The following CLCN7 variants were observed in gnomAD, a reference collection of about 807,000 sequenced individuals.
The protein encoded by CLCN7 is Cl-/H+ antiporter 7.
In CLCN7, 60 loss-of-function variants were observed where a neutral mutation model predicts 102.1. That is an observed-to-expected ratio of 0.59 (90% CI 0.48 to 0.73). CLCN7 has a LOEUF of 0.73. Ranked by LOEUF, CLCN7 falls within the 30% of genes least tolerant of loss-of-function variation. CLCN7 has a pLI of 0.00. For missense variants in CLCN7, 962 were observed against 1,125.7 expected (o/e 0.85, Z 2.08); for synonymous variants, 560 against 490.5 (o/e 1.14, Z -1.87).
At chr16:1,448,045 A>G (rs1156392002) in intron 21 of CLCN7, among the ~76,000 whole-genome samples, 1 of 152,188 alleles carries the variant, frequency 6.6e-6, no homozygotes, top group Admixed American at 6.5e-5. Context: ...TCCACGTCTA[A>G]AAGACACACA....
At chr16:1,471,149 A>C (rs1444347397) in intron 1 of CLCN7, among the ~76,000 whole-genome samples, 5 of 152,102 alleles carry the variant, frequency 3.3e-5, no homozygotes, top group Admixed American at 3.3e-4. Context: ...GCAGCTCTGA[A>C]GGGCCTGGGC....
chr16:1,449,147 G>T, intron 18 of CLCN7, 54 bp from the exon 19 acceptor site: 1 of 1,608,176 alleles, frequency 6.2e-7, no homozygotes, highest in Non-Finnish European at 8.5e-7. Flanking sequence ...TCAGGGTCAC[G>T]TGGCCACTGC....
At position 1,448,502 on chromosome 16, in the gene CLCN7, C is replaced by CCA; in HGVS notation, c.1884-20_1884-19dup. 1 of 1,607,044 alleles carries CCA rather than the reference C, an allele frequency of 6.2e-7. No homozygotes were observed. Among genetic ancestry groups the CCA allele is most frequent in the Non-Finnish European group, 8.5e-7 (1 of 1,179,894 alleles). Reference sequence around the variant, plus strand: ...TCACCTCCCTGCCGGAGGAGCCCGGCCACACATGCCCGTCACACGCCACCA... The same window carrying CCA: ...TCACCTCCCTGCCGGAGGAGCCCGGCCACACACATGCCCGTCACACGCCACCA... On this transcript the variant is annotated intron_variant, in intron 20 of 24. Transcript: ENST00000382745.
At chr16:1,459,222 G>A (rs1366483297) in intron 6 of CLCN7, 35 bp from the exon 7 acceptor site, 2 of 1,588,684 alleles carry the variant, frequency 1.3e-6, no homozygotes, top group South Asian at 1.1e-5. Flanking sequence ...GTGGGTCACG[G>A]CCAGGCTGAG....
chr16:1,449,250 C>G, intron 18 of CLCN7, 26 bp downstream of exon 18: 1 of 1,576,340 alleles, frequency 6.3e-7, no homozygotes, highest in Non-Finnish European at 8.6e-7. Context: ...GAGCTCCCCA[C>G]CCATCGGGCA....
In CLCN7 at chr16:1,456,162, G is replaced by A. The variant is rs1273174914; in HGVS notation, c.867C>T (p.Val289=). 2 of 1,568,212 alleles carry A rather than the reference G, an allele frequency of 1.3e-6. No individual in the cohort carries two copies. Among genetic ancestry groups the A allele is most frequent in the South Asian group, 2.3e-5 (2 of 86,108 alleles). ...FRRDTEKRDF[V]SAGAAAGVSA... is the part of the protein sequence containing the mutation. ...ACACTCCGGCCGCAGCCCCTGCGGAGACGAAGTCCCGCTTCTCTGTGTCTC... is the reference window on the plus strand; with the variant it reads ...ACACTCCGGCCGCAGCCCCTGCGGAAACGAAGTCCCGCTTCTCTGTGTCTC... The change falls in exon 10 of 25, where the codon GTC becomes GTT. Residue 289 remains valine, a synonymous_variant. Coordinates refer to ENST00000382745, the MANE Select transcript of CLCN7 (RefSeq NM_001287.6).
chr16:1,460,332 G>A, intron 6 of CLCN7, 86 bp downstream of exon 6: 1 of 962,002 alleles, frequency 1.0e-6, no homozygotes, highest in Non-Finnish European at 1.7e-6. Context: ...TGGTGGGGGT[G>A]GGTGAGCTGC....
intron 23 of CLCN7, 55 bp downstream of exon 23, chr16:1,447,337 C>T (rs1005228625): frequency 8.6e-6 from 13 of 1,506,860 alleles, no homozygotes; most frequent in African/African-American, 1.4e-5. Context: ...CTCTGGACCC[C>T]ACCCCCTGCT....
chr16:1,459,046 G>T, intron 7 of CLCN7, 61 bp downstream of exon 7: 1 of 1,401,112 alleles, frequency 7.1e-7, no homozygotes, highest in Non-Finnish European at 9.9e-7. Flanking sequence ...CAAGAGAGCT[G>T]CTCCTGAACC....
chr16:1,455,355 A>T, intron 11 of CLCN7, 105 bp from the exon 12 acceptor site: 2 of 835,320 alleles, frequency 2.4e-6, no homozygotes, highest in Non-Finnish European at 4.2e-6. Context: ...CGGGGCCAGG[A>T]GTCTGCAGAC....
intron 13 of CLCN7, 63 bp from the exon 14 acceptor site, chr16:1,453,957 G>T: frequency 6.5e-7 from 1 of 1,532,808 alleles, no homozygotes. Flanking sequence ...CCGCCCGCCG[G>T]CTCCCAGATG....
chr16:1,464,401 A>G (rs1215494704), intron 2 of CLCN7, among the ~76,000 whole-genome samples: 2 of 152,216 alleles, frequency 1.3e-5, no homozygotes, highest in Non-Finnish European at 2.9e-5. Context: ...TGAAGTCCAA[A>G]AAGGCAGTGC....
rs754123664 is a variant in CLCN7 at position 1,460,520 on chromosome 16, G to A, written c.492C>T (p.Asp164=). Residue 164 remains aspartate, a synonymous_variant, in exon 6 of 25, where the codon GAC becomes GAT. Transcript: ENST00000382745. ...ACAGTCCGCCCTTCTCTGTGAACTT[G>A]TCGATATCTGGGGCTCATCAAGGAG... is the stretch of plus-strand genomic sequence containing the variant. ...LKYRVIKGNI[D]KFTEKGGLSF... The A allele has an allele frequency of 3.7e-6, 6 of 1,612,348 alleles. No individual in the cohort carries two copies. The highest frequency in any genetic ancestry group is 3.3e-5 in the Admixed American group (2 of 60,002).
chr16:1,466,376 T>A (rs530042754), intron 1 of CLCN7, among the ~76,000 whole-genome samples: 67 of 152,266 alleles, frequency 4.4e-4, no homozygotes, highest in Non-Finnish European at 7.4e-4. Context: ...AAGTGCTTCT[T>A]GGTGATAGAA....
In CLCN7 at chr16:1,457,890, C is replaced by T. The variant is rs2038863668; in HGVS notation, c.676-134G>A. 1 of 856,258 alleles carries T rather than the reference C, an allele frequency of 1.2e-6. No individual in the cohort carries two copies. The highest frequency in any genetic ancestry group is 1.9e-6 in the Non-Finnish European group (1 of 522,296). The allele number at this position is 856,258 out of a possible 1,614,324, so 53.0% of individuals were successfully genotyped here. ...CGGGGCCTCCGGGAGGGGGCCAGCA[C>T]CCCCAGGCTGGGTCTCCCCATGGCC... is the stretch of plus-strand genomic sequence containing the variant. On this transcript the variant is annotated intron_variant, in intron 7 of 24. Coordinates refer to ENST00000382745, the MANE Select transcript of CLCN7 (RefSeq NM_001287.6). This position sits in a 1 kb window ranked among gnomAD's most constrained non-coding sequence, Gnocchi z 5.4.
At chr16:1,474,126 A>C (rs748438069) in intron 1 of CLCN7, 2 of 455,512 alleles carry the variant, frequency 4.4e-6, no homozygotes, top group African/African-American at 4.0e-5. Context: ...ACAGGGAAAC[A>C]AATGTACCCG....
At chr16:1,470,235 A>G (rs2745006) in intron 1 of CLCN7, among the ~76,000 whole-genome samples, 94,400 of 152,148 alleles carry the variant, frequency 0.62, 30,431 homozygotes, top group African/African-American at 0.77. Flanking sequence ...GGGCTCAAAT[A>G]ATCCTTCCGC....
intron 17 of CLCN7, 117 bp from the exon 18 acceptor site, chr16:1,449,444 C>T (rs142533550): frequency 1.0e-4 from 90 of 895,096 alleles, no homozygotes; most frequent in African/African-American, 8.7e-4. Flanking sequence ...GAACAAACCT[C>T]GTGGCCGCGT....
chr16:1,463,988 T>C (rs1438405973), intron 2 of CLCN7, among the ~76,000 whole-genome samples: 1 of 152,196 alleles, frequency 6.6e-6, no homozygotes, highest in East Asian at 1.9e-4. Context: ...TTGATCAGGC[T>C]GATCTTGAAC....
Sources: allele counts gnomAD v4.1 joint callset (sites outside exome capture counted in the v4.1 genomes callset), GRCh38; gene constraint gnomAD v4.1.1; non-coding constraint Gnocchi (gnomAD v3.1); transcripts MANE v1.5; gene names NCBI Gene and HGNC (gene_info 2026-07-23, HGNC 2026-07-21).